Variants in NINJ2 observed in about 807,000 individuals in gnomAD.
NINJ2 encodes the protein ninjurin 2.
In NINJ2, 12 loss-of-function variants were observed where a neutral mutation model predicts 11.7. The observed-to-expected ratio is 1.02, with a 90% CI of 0.66 to 1.66. NINJ2 has a LOEUF of 1.66. Ranked by LOEUF, NINJ2 falls within the 40% of genes most tolerant of loss-of-function variation. NINJ2 has a pLI of 0.00. For synonymous variants in NINJ2, 93 were observed against 76.8 expected (o/e 1.21, Z -1.10); for missense variants, 187 against 181.8 (o/e 1.03, Z -0.16).
chr12:569,564 C>T (rs902001579), intron 1 of NINJ2, among the ~76,000 whole-genome samples: 2 of 152,328 alleles, frequency 1.3e-5, no homozygotes, highest in African/African-American at 4.8e-5. Flanking sequence ...CCCTTCCCCC[C>T]AAATGTATCG....
intron 1 of NINJ2, among the ~76,000 whole-genome samples, chr12:573,811 A>C (rs545743268): frequency 3.3e-5 from 5 of 152,192 alleles, no homozygotes; most frequent in Non-Finnish European, 7.4e-5. Context: ...ACTAGACCCA[A>C]AGACCCAAAG....
At chr12:577,448 T>TATACATATATATATGTATATA in intron 1 of NINJ2, among the ~76,000 whole-genome samples, 14 of 141,964 alleles carry the variant, frequency 9.9e-5, no homozygotes, top group Non-Finnish European at 1.5e-4. Flanking sequence ...TATATAAATA[T>TATACATATATATATGTATATA]TTTGGCACGA....
intron 1 of NINJ2, among the ~76,000 whole-genome samples, chr12:577,442 T>A (rs1346120301): frequency 2.1e-5 from 3 of 142,486 alleles, no homozygotes; most frequent in African/African-American, 7.7e-5. Flanking sequence ...TATATATATA[T>A]AAATATTTTG....
At chr12:608,183 C>A (rs1247831211) in intron 1 of NINJ2, among the ~76,000 whole-genome samples, 1 of 152,166 alleles carries the variant, frequency 6.6e-6, no homozygotes, top group African/African-American at 2.4e-5. Flanking sequence ...ACCAAGCACA[C>A]CAGCCCTCCA....
At chr12:624,800 C>A (rs1948192867) in intron 1 of NINJ2, among the ~76,000 whole-genome samples, 1 of 107,376 alleles carries the variant, frequency 9.3e-6, no homozygotes, top group Non-Finnish European at 1.9e-5. Context: ...CAGAGTGAGA[C>A]TCCATCTCAA....
chr12:603,900 A>T (rs537056547), intron 1 of NINJ2, among the ~76,000 whole-genome samples: 1 of 152,262 alleles, frequency 6.6e-6, no homozygotes, highest in Admixed American at 6.5e-5. Flanking sequence ...ACCTCAAGTG[A>T]TCTGCCTGCC....
At chr12:657,610 G>A (rs758982252) in intron 1 of NINJ2, among the ~76,000 whole-genome samples, 3 of 151,910 alleles carry the variant, frequency 2.0e-5, no homozygotes, top group South Asian at 2.1e-4. Flanking sequence ...AAATAAATAA[G>A]TAACCCCACT....
At chr12:615,583 C>T (rs1948082783) in intron 1 of NINJ2, among the ~76,000 whole-genome samples, 2 of 152,118 alleles carry the variant, frequency 1.3e-5, no homozygotes, top group African/African-American at 2.4e-5. Context: ...GAGCGAAACT[C>T]CATCTTAAAA....
At chr12:662,624 G>A (rs11610368) in intron 1 of NINJ2, among the ~76,000 whole-genome samples, 29,708 of 152,030 alleles carry the variant, frequency 0.2, 2,927 homozygotes, top group African/African-American at 0.22. Flanking sequence ...AGAAGGGTTC[G>A]TTCTATTCTA....
chr12:623,655 G>A (rs753203280), intron 1 of NINJ2, among the ~76,000 whole-genome samples: 3 of 152,242 alleles, frequency 2.0e-5, no homozygotes, highest in Non-Finnish European at 4.4e-5. Flanking sequence ...ATTAGTGACA[G>A]ACCAGGCTGC....
chr12:571,127 T>C (rs1356056837), intron 1 of NINJ2, among the ~76,000 whole-genome samples: 3 of 152,190 alleles, frequency 2.0e-5, no homozygotes, highest in African/African-American at 4.8e-5. Flanking sequence ...ACTCATAGCT[T>C]TGGGCTCCCA....
At chr12:608,434 T>G (rs1458499980) in intron 1 of NINJ2, among the ~76,000 whole-genome samples, 1 of 152,246 alleles carries the variant, frequency 6.6e-6, no homozygotes, top group African/African-American at 2.4e-5. Flanking sequence ...TTAATTCATC[T>G]ACTTCTCACA....
intron 1 of NINJ2, among the ~76,000 whole-genome samples, chr12:597,992 T>C (rs563409085): frequency 6.6e-6 from 1 of 152,368 alleles, no homozygotes; most frequent in African/African-American, 2.4e-5. Context: ...TTTGTAGCTC[T>C]GGGCTAATTT....
In NINJ2 at chr12:663,219, A is replaced by G. The variant is rs990924483; in HGVS notation, c.33+109T>C. Reference sequence around the variant, plus strand: ...GCATTTGGAGAAGGGAGTGAGTAAGAAGAGAACGGGGAGGGAGAATATCAA... The same window carrying G: ...GCATTTGGAGAAGGGAGTGAGTAAGGAGAGAACGGGGAGGGAGAATATCAA... On this transcript the variant is annotated intron_variant, in intron 1 of 3. Transcript: ENST00000305108. 5.1e-6 allele frequency: 5 copies of G among 980,758 alleles called. No homozygotes were observed. The African/African-American group carries it at 8.1e-5, about 16-fold the overall frequency. The allele number at this position is 980,758 out of a possible 1,614,324, so 60.8% of individuals were successfully genotyped here.
intron 1 of NINJ2, among the ~76,000 whole-genome samples, chr12:571,453 TG>T (rs1947375317): frequency 6.7e-6 from 1 of 150,066 alleles, no homozygotes; most frequent in African/African-American, 2.5e-5. Context: ...GGCAGGGGGG[TG>T]GGGGACACCA....
chr12:594,332 T>C (rs1302087625), intron 1 of NINJ2, among the ~76,000 whole-genome samples: 1 of 152,234 alleles, frequency 6.6e-6, no homozygotes, highest in Non-Finnish European at 1.5e-5. Context: ...TGAAATTAAA[T>C]ACACAATGCC....
chr12:602,666 T>C (rs971627424), intron 1 of NINJ2, among the ~76,000 whole-genome samples: 1 of 152,220 alleles, frequency 6.6e-6, no homozygotes, highest in African/African-American at 2.4e-5. Flanking sequence ...ATTAGCTTTT[T>C]GAGGAACTGC....
At position 570,810 on chromosome 12, in the gene NINJ2, G is replaced by T. The variant is rs545261897; in HGVS notation, c.34-4632C>A. Among the ~76,000 whole-genome samples, 17 of 152,332 alleles carry T rather than the reference G, an allele frequency of 1.1e-4. No individual in the cohort carries two copies. In the East Asian group the frequency reaches 3.1e-3, roughly 28 times the overall value. ...TTCTGCTGATCCTCGAGGAGCAGGG[G>T]ACCGGTGGGCTAGGACTGCTGGTTG... is the stretch of plus-strand genomic sequence containing the variant. On this transcript the variant is annotated intron_variant, in intron 1 of 3. Coordinates refer to ENST00000305108, the MANE Select transcript of NINJ2 (RefSeq NM_016533.6).
At chr12:576,060 C>T (rs1424728042) in intron 1 of NINJ2, among the ~76,000 whole-genome samples, 2 of 152,186 alleles carry the variant, frequency 1.3e-5, no homozygotes, top group East Asian at 3.9e-4. Context: ...CCTTAAAAAT[C>T]AACAGTCTCT....
Sources: allele counts gnomAD v4.1 joint callset (sites outside exome capture counted in the v4.1 genomes callset), GRCh38; gene constraint gnomAD v4.1.1; transcripts MANE v1.5; gene names NCBI Gene and HGNC (gene_info 2026-07-23, HGNC 2026-07-21).